The following RYR1 variants were observed in gnomAD, a reference collection of about 807,000 sequenced individuals.
RYR1 encodes ryanodine receptor 1, also known as central core disease of muscle.
A neutral mutation model predicts 583.5 loss-of-function variants in RYR1; 342 were observed. The ratio of observed to expected loss-of-function variants is 0.59; its 90% CI spans 0.54 to 0.64. The LOEUF (loss-of-function observed/expected upper bound fraction) is 0.64. Among genes scored for constraint, RYR1 ranks in the 30% least tolerant of loss-of-function variants. RYR1 has a pLI of 0.00. For missense variants in RYR1, 6,032 were observed against 6,917.2 expected, an observed-to-expected ratio of 0.87 and a Z score of 4.54; for synonymous variants, 2,791 against 2,822.5, an observed-to-expected ratio of 0.99 and a Z score of 0.35.
chr19:38,440,660 A>C, intron 1 of RYR1, 85 bp from the exon 2 acceptor site: 1 of 1,519,562 alleles, frequency 6.6e-7, no homozygotes, highest in East Asian at 2.3e-5. Context: ...CATAAGGACC[A>C]GGGTGGGAGG....
At chr19:38,532,405 G>A (rs1429841382) in intron 76 of RYR1, 85 bp from the exon 77 acceptor site, 1 of 1,379,266 alleles carries the variant, frequency 7.3e-7, no homozygotes, top group African/African-American at 1.4e-5. Context: ...TTACAGGCAT[G>A]AGCCACCGCA....
rs1187447607 is a variant in RYR1 at position 38,565,358 on chromosome 19, C to T, written c.13024C>T (p.Arg4342Cys). The part of the protein sequence containing the change: ...VAALLWAAVT[R>C]AGAAGAGAAA... Reference sequence around the variant, plus strand: ...GGCGCTGCTCTGGGCAGCAGTGACGCGCGCTGGGGCCGCTGGCGCGGGGGC... The same window carrying T: ...GGCGCTGCTCTGGGCAGCAGTGACGTGCGCTGGGGCCGCTGGCGCGGGGGC... The change falls in exon 91 of 106, where the codon CGC (arginine) becomes TGC (cysteine). Residue 4342 changes from arginine (R) to cysteine (C), a missense_variant. Physicochemically the swap from Arg to Cys is radical, Grantham distance 180. Transcript: ENST00000359596. This position sits in a 1 kb window ranked among gnomAD's most constrained non-coding sequence, Gnocchi z 4.7. The T allele has an allele frequency of 8.4e-6, 11 of 1,304,304 alleles. No individual in the cohort carries two copies. Among genetic ancestry groups the T allele is most frequent in the Non-Finnish European group, 1.1e-5 (11 of 1,036,568 alleles). 80.8% of individuals were successfully genotyped at this position (1,304,304 alleles called of 1,614,324 possible). A position where few individuals can be genotyped will look rare whatever the true frequency, so the allele number is the denominator to read the frequency against.
chr19:38,450,235 G>C (rs1481891003), intron 11 of RYR1, among the ~76,000 whole-genome samples: 2 of 152,208 alleles, frequency 1.3e-5, no homozygotes, highest in Non-Finnish European at 2.9e-5. Context: ...GACCAGGAGG[G>C]GACTGTGGAG....
chr19:38,573,162 C>T lies in RYR1; in HGVS notation c.13999-15C>T. 2 of 1,613,648 alleles carry T rather than the reference C, an allele frequency of 1.2e-6. No homozygotes were observed. Among genetic ancestry groups the T allele is most frequent in the Non-Finnish European group, 1.7e-6 (2 of 1,179,708 alleles). Reference sequence around the variant, plus strand: ...GGTGCCTGACGCCCACCTTTGGCCTCCTCCCACTATCCAGGTGCCCCTGGT... The same window carrying T: ...GGTGCCTGACGCCCACCTTTGGCCTTCTCCCACTATCCAGGTGCCCCTGGT... On this transcript the variant is annotated splice_polypyrimidine_tract_variant and intron_variant, in intron 95 of 105. Transcript: ENST00000359596.
At chr19:38,475,929 G>C (rs1256894331) in intron 29 of RYR1, among the ~76,000 whole-genome samples, 1 of 152,230 alleles carries the variant, frequency 6.6e-6, no homozygotes, top group Non-Finnish European at 1.5e-5. Flanking sequence ...GATCAATTTT[G>C]TGGAAGACAG....
chr19:38,452,447 T>C (rs1469202883), intron 12 of RYR1, among the ~76,000 whole-genome samples: 1 of 151,908 alleles, frequency 6.6e-6, no homozygotes, highest in African/African-American at 2.4e-5. Flanking sequence ...ATAACAATAA[T>C]ATACACATGA....
chr19:38,503,040 C>A (rs1970269490), intron 49 of RYR1, 70 bp downstream of exon 49: 1 of 1,481,746 alleles, frequency 6.7e-7, no homozygotes, highest in Admixed American at 1.7e-5. Flanking sequence ...CCTCCTACTG[C>A]GGGGCTCATT....
rs779380542 is a variant in RYR1 at position 38,548,389 on chromosome 19, G to A, written c.12251G>A (p.Arg4084His). The A allele has an allele frequency of 4.2e-5, 67 of 1,613,864 alleles. No individual in the cohort carries two copies. The highest frequency in any genetic ancestry group is 4.7e-5 in the Non-Finnish European group (55 of 1,179,950). Reference sequence around the variant, plus strand: ...TTCCAGGACTACGTAACGGATCCCCGTGGCCTCATCTCCAAGAAGGACTTC... The same window carrying A: ...TTCCAGGACTACGTAACGGATCCCCATGGCCTCATCTCCAAGAAGGACTTC... Reference protein sequence around the residue: ...EAFQDYVTDPRGLISKKDFQK... With the variant: ...EAFQDYVTDPHGLISKKDFQK... The change falls in exon 89 of 106, where the codon CGT becomes CAT. Residue 4084 changes from arginine to histidine, a missense_variant. Physicochemically the swap from Arg to His is conservative, Grantham distance 29 (BLOSUM62 0). Around this residue, in one of 11 missense-constraint regions of RYR1, gnomAD observed 753 missense variants for 759.6 expected, o/e 0.99. Transcript: ENST00000359596.
intron 31 of RYR1, among the ~76,000 whole-genome samples, chr19:38,479,172 A>T (rs1197814015): frequency 6.6e-6 from 1 of 152,190 alleles, no homozygotes; most frequent in Non-Finnish European, 1.5e-5. Context: ...GATGGGCCAG[A>T]ATCCTAAGGT....
At chr19:38,437,120 G>A (rs1972462469) in intron 1 of RYR1, among the ~76,000 whole-genome samples, 3 of 150,968 alleles carry the variant, frequency 2.0e-5, no homozygotes, top group Non-Finnish European at 2.9e-5. Context: ...GCACAATCTC[G>A]GCTCACTGCA....
chr19:38,455,780 C>G (rs1366098972), intron 16 of RYR1, 29 bp downstream of exon 16: 1 of 1,372,278 alleles, frequency 7.3e-7, no homozygotes, highest in African/African-American at 1.4e-5. Flanking sequence ...ACCTCTCATC[C>G]CCTGAACTCT....
rs917468961 is a variant in RYR1 at position 38,496,723 on chromosome 19, G to A, written c.6797-137G>A. On this transcript the variant is annotated intron_variant, in intron 41 of 105. Coordinates refer to ENST00000359596, the MANE Select transcript of RYR1 (RefSeq NM_000540.3). The surrounding 1 kb of genome is among the most constrained non-coding windows in gnomAD (Gnocchi z 4.8). ...ACCCCAATAGTGACAGCCCAGAGTG[G>A]TCAGAGCTTGGATGAGGGAAGTACA... The A allele has an allele frequency of 3.5e-6, 4 of 1,136,070 alleles. No individual in the cohort carries two copies. Among genetic ancestry groups the A allele is most frequent in the Non-Finnish European group, 3.9e-6 (3 of 759,568 alleles). The allele number at this position is 1,136,070 out of a possible 1,614,324, so 70.4% of individuals were successfully genotyped here. A position where few individuals can be genotyped will look rare whatever the true frequency, so the allele number is the denominator to read the frequency against.
intron 9 of RYR1, among the ~76,000 whole-genome samples, chr19:38,447,666 A>AC (rs1973010865): frequency 2.6e-5 from 4 of 151,622 alleles, no homozygotes; most frequent in Admixed American, 2.0e-4. Flanking sequence ...ACATGGTGAA[A>AC]CCCCGTCTCC....
chr19:38,522,622 G>GAA (rs1971271464), intron 67 of RYR1, among the ~76,000 whole-genome samples: 2 of 148,566 alleles, frequency 1.3e-5, no homozygotes, highest in South Asian at 2.1e-4. Context: ...AAGAAAGAAA[G>GAA]AGAGAGAGAG....
At chr19:38,573,496 A>G (rs1298748629) in intron 96 of RYR1, among the ~76,000 whole-genome samples, 189 bp downstream of exon 96, 2 of 152,228 alleles carry the variant, frequency 1.3e-5, no homozygotes, top group African/African-American at 4.8e-5. Context: ...CCTGGACAAC[A>G]TGGTGAAATC....
chr19:38,514,101 G>A (rs537592549), intron 63 of RYR1, among the ~76,000 whole-genome samples: 1 of 151,900 alleles, frequency 6.6e-6, no homozygotes, highest in African/African-American at 2.4e-5. Flanking sequence ...CTCATGATGA[G>A]CTTCTTAACT....
chr19:38,488,438 C>T (rs528455555), intron 34 of RYR1, among the ~76,000 whole-genome samples: 95 of 152,270 alleles, frequency 6.2e-4, no homozygotes, highest in African/African-American at 2.2e-3. Context: ...CTCTCTCTCC[C>T]CTGCACTCTT....
At chr19:38,493,497 TTTTTTC>T (rs1217060013) in intron 38 of RYR1, among the ~76,000 whole-genome samples, 4 of 150,654 alleles carry the variant, frequency 2.7e-5, no homozygotes, top group Non-Finnish European at 5.9e-5. Flanking sequence ...CGAGTTTAGA[TTTTTTC>T]TTTTTCTTTT....
At position 38,527,030 on chromosome 19, in the gene RYR1, A is replaced by T. The variant is rs199689862; in HGVS notation, c.10664A>T (p.Asn3555Ile). The change falls in exon 72 of 106, where the codon AAC becomes ATC. Residue 3555 changes from asparagine to isoleucine, a missense_variant. Transcript: ENST00000359596. ...TDEEVREFLH[N>I]NLHLQGKVEG... ...GAGGAGGTCCGGGAATTTCTGCACA[A>T]CAACCTTCACCTTCAGGGAAAGGTA... is the stretch of plus-strand genomic sequence containing the variant. The T allele has an allele frequency of 4.2e-5, 68 of 1,614,024 alleles. No individual in the cohort carries two copies. The East Asian group carries it at 1.5e-3, about 36-fold the overall frequency.
Sources: gnomAD v4.1 joint callset for allele counts (sites outside exome capture counted in the v4.1 genomes callset) on GRCh38, gnomAD v4.1.1 for gene constraint, gnomAD v4.1.1 regional missense constraint, Gnocchi (gnomAD v3.1) non-coding constraint, MANE v1.5 for transcripts, NCBI Gene and HGNC (gene_info 2026-07-23, HGNC 2026-07-21) for gene names.